The following MMP2 variants were observed in gnomAD, a reference collection of about 807,000 sequenced individuals.
MMP2 encodes the protein matrix metallopeptidase 2, also known as 72 kDa type IV collagenase.
In MMP2, 39 loss-of-function variants were observed where a neutral mutation model predicts 74.8. The ratio of observed to expected loss-of-function variants is 0.52; its 90% CI spans 0.40 to 0.68. The LOEUF (loss-of-function observed/expected upper bound fraction) is 0.68. Ranked by LOEUF, MMP2 falls within the 30% of genes least tolerant of loss-of-function variation. The probability of loss-of-function intolerance (pLI) is 0.00; values close to 1 mark genes in which losing one functional copy is unlikely to be tolerated. For synonymous variants in MMP2, 367 were observed against 339.8 expected (o/e 1.08, Z -0.88); for missense variants, 803 against 878.3 (o/e 0.91, Z 1.08).
In MMP2 at chr16:55,485,172, C is replaced by A; in HGVS notation, c.530-127C>A. On this transcript the variant is annotated intron_variant, in intron 3 of 12. Transcript: ENST00000219070. ...AGCTCCTGTTGACAGTCCTGGATAA[C>A]CCCACTGGGACAAGGGAAGGGGACA... The A allele has an allele frequency of 1.0e-5, 14 of 1,353,584 alleles. 1 individual carries two copies. The highest frequency in any genetic ancestry group is 2.4e-5 in the South Asian group (2 of 84,978). The allele number at this position is 1,353,584 out of a possible 1,614,324, so 83.8% of individuals were successfully genotyped here. A position where few individuals can be genotyped will look rare whatever the true frequency, so the allele number is the denominator to read the frequency against.
chr16:55,502,925 C>A (rs778904620), intron 12 of MMP2, 37 bp downstream of exon 12: 1 of 1,533,530 alleles, frequency 6.5e-7, no homozygotes, highest in Non-Finnish European at 9.0e-7. Flanking sequence ...TTCTAGGACT[C>A]CCCGCCCCTA....
chr16:55,492,314 T>C (rs1377929686), intron 8 of MMP2, among the ~76,000 whole-genome samples: 1 of 152,126 alleles, frequency 6.6e-6, no homozygotes, highest in Non-Finnish European at 1.5e-5. Flanking sequence ...AGGACAGAAT[T>C]TTCCATCATG....
chr16:55,501,190 A>C (rs1962659289), intron 11 of MMP2, among the ~76,000 whole-genome samples: 1 of 152,236 alleles, frequency 6.6e-6, no homozygotes, highest in South Asian at 2.1e-4. Context: ...ACTGAGGCTA[A>C]AGTGGCTCAA....
chr16:55,492,537 G>T (rs116641125), intron 8 of MMP2, among the ~76,000 whole-genome samples: 1 of 151,582 alleles, frequency 6.6e-6, no homozygotes, highest in African/African-American at 2.4e-5. Context: ...AATATTTAAT[G>T]GTCCAGGTGA....
intron 5 of MMP2, among the ~76,000 whole-genome samples, chr16:55,486,336 T>TGTGTGC (rs1567374974): frequency 1.5e-5 from 2 of 134,458 alleles, no homozygotes; most frequent in East Asian, 5.1e-4. Context: ...TGTGTGTGTG[T>TGTGTGC]GTGTGTGTGC....
At position 55,502,680 on chromosome 16, in the gene MMP2, G is replaced by T. The variant is rs972568232; in HGVS notation, c.1770-99G>T. 3.8e-6 allele frequency: 4 copies of T among 1,054,744 alleles called. No homozygotes were observed. The African/African-American group carries it at 6.2e-5, about 16-fold the overall frequency. 65.3% of individuals were successfully genotyped at this position (1,054,744 alleles called of 1,614,324 possible). On this transcript the variant is annotated intron_variant, in intron 11 of 12. Coordinates refer to ENST00000219070, the MANE Select transcript of MMP2 (RefSeq NM_004530.6). ...TGAAGGGCTAGGTCCAGTTTCCGAG[G>T]CCTATCCAGGAGCCATCAGCTGGGT...
At chr16:55,479,182 G>A, upstream of MMP2, 1 of 223,120 alleles carries the variant, frequency 4.5e-6, no homozygotes, top group Non-Finnish European at 8.7e-6. Flanking sequence ...TCTGGCGGCT[G>A]CCCTCCCTTG....
chr16:55,498,271 C>T lies in MMP2; in HGVS notation c.1610-18C>T. 1.2e-6 allele frequency: 2 copies of T among 1,613,712 alleles called. No homozygotes were observed. Among genetic ancestry groups the T allele is most frequent in the Non-Finnish European group, 1.7e-6 (2 of 1,179,946 alleles). On this transcript the variant is annotated intron_variant, in intron 10 of 12. Coordinates refer to ENST00000219070, the MANE Select transcript of MMP2 (RefSeq NM_004530.6). ...GGCATGTCAGCACCAGCCAACACAC[C>T]CTTTGCTTCCACCCCAGGGAATGAA...
intron 10 of MMP2, among the ~76,000 whole-genome samples, chr16:55,498,010 C>A (rs1444881276): frequency 2.6e-5 from 4 of 152,182 alleles, no homozygotes; most frequent in African/African-American, 9.7e-5. Context: ...AAAGGTGCCT[C>A]TTTATGACAG....
At chr16:55,481,512 G>T (rs2142342133) in intron 1 of MMP2, 1 of 252,286 alleles carries the variant, frequency 4.0e-6, no homozygotes, top group Non-Finnish European at 7.5e-6. Flanking sequence ...AACTGTATAT[G>T]GTGAAATCAG....
In MMP2 at chr16:55,505,425, G is replaced by T. The variant is rs377562843; in HGVS notation, c.1966G>T (p.Asp656Tyr). 5 of 1,613,992 alleles carry T rather than the reference G, an allele frequency of 3.1e-6. No individual in the cohort carries two copies. In the East Asian group the frequency reaches 1.1e-4, roughly 36 times the overall value. ...KSVKFGSIKS[D>Y]WLGC ...CGTGAAGTTTGGAAGCATCAAATCC[G>T]ACTGGCTAGGCTGCTGAGCTGGCCC... Residue 656 changes from aspartate (D) to tyrosine (Y), a missense_variant, in exon 13 of 13, where the codon GAC becomes TAC. Transcript: ENST00000219070.
At chr16:55,483,965 A>C in intron 2 of MMP2, 51 bp from the exon 3 acceptor site, 1 of 1,593,964 alleles carries the variant, frequency 6.3e-7, no homozygotes, top group South Asian at 1.1e-5. Flanking sequence ...TTGCATATAC[A>C]TACACTTATG....
chr16:55,481,835 C>T, intron 1 of MMP2: 1 of 759,840 alleles, frequency 1.3e-6, no homozygotes, highest in Admixed American at 1.8e-5. Flanking sequence ...TTTCCTATCT[C>T]AGGGTTAAAA....
Position 55,492,691 on chromosome 16 carries a change from G to A in MMP2, c.1337-467G>A, listed in dbSNP as rs188937066. ...TGCCCTTCACTAGCTGCAAGATATT[G>A]TGTAAGTCTTTATACCTCTTTGGAC... On this transcript the variant is annotated intron_variant, in intron 8 of 12. Coordinates refer to ENST00000219070, the MANE Select transcript of MMP2 (RefSeq NM_004530.6). Among the ~76,000 whole-genome samples the A allele has an allele frequency of 6.6e-5, 10 of 152,162 alleles. No homozygotes were observed. In the East Asian group the frequency reaches 1.9e-3, roughly 29 times the overall value.
intron 11 of MMP2, 65 bp from the exon 12 acceptor site, chr16:55,502,714 C>T: frequency 6.8e-7 from 1 of 1,462,112 alleles, no homozygotes; most frequent in Non-Finnish European, 9.6e-7. Flanking sequence ...GTGCTCCCAT[C>T]CAGGCCAGGG....
At chr16:55,498,236 G>C in intron 10 of MMP2, 53 bp from the exon 11 acceptor site, 1 of 1,608,306 alleles carries the variant, frequency 6.2e-7, no homozygotes, top group Non-Finnish European at 8.5e-7. Context: ...GGAGGAACAG[G>C]CTGGCCTAGG....
chr16:55,498,090 G>T (rs1962574078), intron 10 of MMP2, among the ~76,000 whole-genome samples, 199 bp from the exon 11 acceptor site: 1 of 152,176 alleles, frequency 6.6e-6, no homozygotes, highest in Non-Finnish European at 1.5e-5. Context: ...TCATGTCCTT[G>T]ACCAGGCACC....
chr16:55,499,250 C>A (rs1567381435), intron 11 of MMP2, among the ~76,000 whole-genome samples: 1 of 152,002 alleles, frequency 6.6e-6, no homozygotes, highest in Non-Finnish European at 1.5e-5. Flanking sequence ...GGGATTTGAA[C>A]CCTGGCATTC....
intron 2 of MMP2, 67 bp from the exon 3 acceptor site, chr16:55,483,949 A>T: frequency 6.5e-7 from 1 of 1,547,624 alleles, no homozygotes; most frequent in African/African-American, 1.4e-5. Flanking sequence ...GTGCACACAC[A>T]CATACTTGCA....
Sources: gnomAD v4.1 joint callset for allele counts (sites outside exome capture counted in the v4.1 genomes callset) on GRCh38, gnomAD v4.1.1 for gene constraint, MANE v1.5 for transcripts, NCBI Gene and HGNC (gene_info 2026-07-23, HGNC 2026-07-21) for gene names.